The following BICD1 variants were observed in gnomAD, a reference collection of about 807,000 sequenced individuals.
BICD1 encodes the protein BICD cargo adaptor 1.
A neutral mutation model predicts 92.5 loss-of-function variants in BICD1; 35 were observed. The ratio of observed to expected loss-of-function variants is 0.38; its 90% CI spans 0.29 to 0.50. The LOEUF is 0.50. Among genes scored for constraint, BICD1 ranks in the 20% least tolerant of loss-of-function variants. BICD1 has a pLI of 0.93. For missense variants in BICD1, 950 were observed against 1,189.8 expected (o/e 0.80, Z 2.97); for synonymous variants, 429 against 465.1 (o/e 0.92, Z 1.00).
At position 32,216,200 on chromosome 12, in the gene BICD1, A is replaced by G. The variant is rs751522876; in HGVS notation, c.214-47A>G. ...TTTTCCCAAGTCTTAAAAGAGGGTT[A>G]TGATGCATTTCATTGTGTACTCTTT... On this transcript the variant is annotated intron_variant, in intron 1 of 9. Transcript: ENST00000652176. 8.2e-6 allele frequency: 13 copies of G among 1,576,308 alleles called. No homozygotes were observed. In the East Asian group the frequency reaches 2.5e-4, roughly 30 times the overall value.
rs146264060 is a variant in BICD1 at position 32,334,551 on chromosome 12, A to G, written c.2136A>G (p.Lys712=). The change falls in exon 6 of 10, where the codon AAA becomes AAG. Residue 712 remains lysine (K), a synonymous_variant. Coordinates refer to ENST00000652176, the MANE Select transcript of BICD1 (RefSeq NM_001714.4). The part of the protein sequence containing the change: ...AEVALANLKN[K]YENEKAMVTE... Reference sequence around the variant, plus strand: ...TGGCGCTAGCTAATCTCAAGAACAAATATGAAAATGAAAAAGCAATGGTGA... The same window carrying G: ...TGGCGCTAGCTAATCTCAAGAACAAGTATGAAAATGAAAAAGCAATGGTGA... 81 of 1,612,142 alleles carry G rather than the reference A, an allele frequency of 5.0e-5. No individual in the cohort carries two copies. Among genetic ancestry groups the G allele is most frequent in the Non-Finnish European group, 6.7e-5 (79 of 1,179,210 alleles).
intron 1 of BICD1, among the ~76,000 whole-genome samples, chr12:32,211,251 A>T (rs1013821700): frequency 1.3e-5 from 2 of 152,138 alleles, no homozygotes; most frequent in Non-Finnish European, 2.9e-5. Context: ...AACCTCATAT[A>T]CTTTCATTGT....
intron 1 of BICD1, among the ~76,000 whole-genome samples, chr12:32,141,878 T>C (rs951535460): frequency 5.9e-5 from 9 of 152,232 alleles, no homozygotes; most frequent in Non-Finnish European, 1.3e-4. Flanking sequence ...TTGGTGATTC[T>C]TGTTTCATTT....
chr12:32,341,028 C>T (rs976201024), intron 8 of BICD1, among the ~76,000 whole-genome samples: 1 of 152,204 alleles, frequency 6.6e-6, no homozygotes, highest in Non-Finnish European at 1.5e-5. Flanking sequence ...CTTTTTCCCA[C>T]ATTGGGAATC....
At chr12:32,276,339 G>C (rs1358767664) in intron 2 of BICD1, among the ~76,000 whole-genome samples, 1 of 152,184 alleles carries the variant, frequency 6.6e-6, no homozygotes, top group Non-Finnish European at 1.5e-5. Context: ...TTTTCCTGTT[G>C]AGAGAGGGGA....
At chr12:32,115,386 G>C (rs59994509) in intron 1 of BICD1, among the ~76,000 whole-genome samples, 4 of 97,746 alleles carry the variant, frequency 4.1e-5, no homozygotes, top group African/African-American at 1.6e-4. Flanking sequence ...TGGTGTTTTT[G>C]GTTTTTTTTT....
chr12:32,161,421 A>G (rs1166905509), intron 1 of BICD1, among the ~76,000 whole-genome samples: 1 of 152,204 alleles, frequency 6.6e-6, no homozygotes, highest in Non-Finnish European at 1.5e-5. Flanking sequence ...GAACAGTTTT[A>G]CTTAACCGTA....
chr12:32,292,636 A>C (rs1947755252), intron 2 of BICD1, among the ~76,000 whole-genome samples: 1 of 152,178 alleles, frequency 6.6e-6, no homozygotes. Context: ...ACCTACCACT[A>C]TATCAAGGCT....
chr12:32,257,120 G>A (rs1946739643), intron 2 of BICD1, among the ~76,000 whole-genome samples: 1 of 141,734 alleles, frequency 7.1e-6, no homozygotes, highest in South Asian at 2.2e-4. Flanking sequence ...GGCTGAGGCA[G>A]AAGAATTGCC....
At chr12:32,220,425 T>C (rs1347942873) in intron 2 of BICD1, among the ~76,000 whole-genome samples, 1 of 152,112 alleles carries the variant, frequency 6.6e-6, no homozygotes, top group African/African-American at 2.4e-5. Flanking sequence ...CGTCAAAAAG[T>C]GGGCGAAGGA....
chr12:32,132,676 G>A (rs934540535), intron 1 of BICD1, among the ~76,000 whole-genome samples: 4 of 152,232 alleles, frequency 2.6e-5, no homozygotes, highest in African/African-American at 9.6e-5. Context: ...CTCCAGTGTG[G>A]CAGTTGTTGG....
chr12:32,334,120 T>G (rs1004014881), intron 5 of BICD1, among the ~76,000 whole-genome samples: 37 of 152,314 alleles, frequency 2.4e-4, no homozygotes, highest in African/African-American at 8.9e-4. Context: ...ATTTGATTAT[T>G]CCTATTGAAG....
intron 4 of BICD1, among the ~76,000 whole-genome samples, chr12:32,322,886 G>T (rs1948693415): frequency 6.6e-6 from 1 of 152,124 alleles, no homozygotes; most frequent in Non-Finnish European, 1.5e-5. Flanking sequence ...TGATCCAGAG[G>T]CCTTTCCTTT....
intron 1 of BICD1, among the ~76,000 whole-genome samples, chr12:32,133,995 A>G (rs1942645176): frequency 6.6e-6 from 1 of 151,956 alleles, no homozygotes; most frequent in Non-Finnish European, 1.5e-5. Context: ...GTTGGCCAGG[A>G]TGGTCTTGAT....
chr12:32,170,715 T>C (rs1002257585), intron 1 of BICD1, among the ~76,000 whole-genome samples: 53 of 152,216 alleles, frequency 3.5e-4, no homozygotes, highest in African/African-American at 1.2e-3. Flanking sequence ...ATTTCAGAGT[T>C]TGAAATGACA....
chr12:32,138,337 G>A (rs1286763413), intron 1 of BICD1, among the ~76,000 whole-genome samples: 4 of 152,290 alleles, frequency 2.6e-5, no homozygotes, highest in Admixed American at 6.5e-5. Flanking sequence ...ATTGATAGAA[G>A]TTCTCCAAGT....
chr12:32,135,231 G>A (rs1490559587), intron 1 of BICD1, among the ~76,000 whole-genome samples: 2 of 151,748 alleles, frequency 1.3e-5, no homozygotes, highest in Non-Finnish European at 2.9e-5. Flanking sequence ...TGGGATTACA[G>A]GTGCATGCCA....
intron 2 of BICD1, among the ~76,000 whole-genome samples, chr12:32,220,804 T>C (rs1945494106): frequency 1.6e-5 from 2 of 128,464 alleles, no homozygotes; most frequent in South Asian, 3.1e-4. Context: ...CGTATGTTTA[T>C]TGCGGCATTA....
At chr12:32,246,202 C>T (rs1288233259) in intron 2 of BICD1, among the ~76,000 whole-genome samples, 1 of 149,324 alleles carries the variant, frequency 6.7e-6, no homozygotes, top group Non-Finnish European at 1.5e-5. Flanking sequence ...ATAGCCAGGT[C>T]CAGTGGTGTG....
Sources: allele counts gnomAD v4.1 joint callset (sites outside exome capture counted in the v4.1 genomes callset), GRCh38; gene constraint gnomAD v4.1.1; transcripts MANE v1.5; gene names NCBI Gene and HGNC (gene_info 2026-07-23, HGNC 2026-07-21).